DIS3L2: variants seen among roughly 807,000 people sequenced by gnomAD.
DIS3L2 encodes DIS3 like 3'-5' exoribonuclease 2, also known as DIS3-like exonuclease 2.
In DIS3L2, 34 loss-of-function variants were observed where a neutral mutation model predicts 97.5. The ratio of observed to expected loss-of-function variants is 0.35; its 90% CI spans 0.27 to 0.46. The LOEUF (loss-of-function observed/expected upper bound fraction) is 0.46. Among genes scored for constraint, DIS3L2 ranks in the 20% least tolerant of loss-of-function variants. The pLI is 1.00. For missense variants in DIS3L2, 1,038 were observed against 1,146.0 expected, an observed-to-expected ratio of 0.91 and a Z score of 1.36; for synonymous variants, 435 against 445.2, an observed-to-expected ratio of 0.98 and a Z score of 0.29.
intron 10 of DIS3L2, among the ~76,000 whole-genome samples, chr2:232,232,962 C>T (rs1255312731): frequency 1.3e-5 from 2 of 151,986 alleles, no homozygotes; most frequent in Non-Finnish European, 2.9e-5. Flanking sequence ...GCTTAGACAC[C>T]CAGAGTGGGG....
At chr2:232,260,167 A>G (rs1402128602) in intron 12 of DIS3L2, 1 of 152,302 alleles carries the variant, frequency 6.6e-6, no homozygotes, top group African/African-American at 2.4e-5. Context: ...TTCCCTGAGC[A>G]TGCTGAAGGC....
At chr2:232,103,271 G>GA (rs1449819072) in intron 6 of DIS3L2, among the ~76,000 whole-genome samples, 2 of 151,952 alleles carry the variant, frequency 1.3e-5, no homozygotes, top group African/African-American at 4.8e-5. Context: ...ATTACTTTAA[G>GA]AACTGTGTTG....
chr2:232,051,736 C>T (rs62197660), intron 5 of DIS3L2, among the ~76,000 whole-genome samples: 19,868 of 142,614 alleles, frequency 0.14, 1,743 homozygotes, highest in South Asian at 0.34. Context: ...GGCGTGAACC[C>T]GGGAGGCGGA....
At chr2:232,192,773 C>T (rs998849219) in intron 9 of DIS3L2, among the ~76,000 whole-genome samples, 2 of 152,172 alleles carry the variant, frequency 1.3e-5, no homozygotes, top group African/African-American at 4.8e-5. Context: ...ACAGCTGTTG[C>T]ATTAATTAAG....
At chr2:232,016,817 T>TG (rs1451490225) in intron 3 of DIS3L2, among the ~76,000 whole-genome samples, 1 of 152,180 alleles carries the variant, frequency 6.6e-6, no homozygotes, top group African/African-American at 2.4e-5. Context: ...TCTCTTATTC[T>TG]GAGAGCCCAG....
At chr2:232,212,402 A>G (rs767283757) in intron 10 of DIS3L2, among the ~76,000 whole-genome samples, 7 of 152,186 alleles carry the variant, frequency 4.6e-5, no homozygotes. Context: ...GGATACATCT[A>G]CTACCTGTTC....
At chr2:232,106,754 G>C (rs1697367638) in intron 6 of DIS3L2, among the ~76,000 whole-genome samples, 1 of 152,148 alleles carries the variant, frequency 6.6e-6, no homozygotes, top group African/African-American at 2.4e-5. Flanking sequence ...AAGTGGACCT[G>C]ATAGATAGAT....
At chr2:232,224,541 A>G (rs1574956461) in intron 10 of DIS3L2, among the ~76,000 whole-genome samples, 1 of 152,322 alleles carries the variant, frequency 6.6e-6, no homozygotes, top group Non-Finnish European at 1.5e-5. Flanking sequence ...ATCAAAAGAC[A>G]TCATTAAGAT....
intron 6 of DIS3L2, among the ~76,000 whole-genome samples, chr2:232,128,146 G>A (rs921619336): frequency 1.3e-5 from 2 of 151,972 alleles, no homozygotes; most frequent in African/African-American, 4.8e-5. Flanking sequence ...TGTAGAGACA[G>A]GGTTTTGCCA....
At chr2:232,338,455 T>C (rs1696033958), downstream of DIS3L2, among the ~76,000 whole-genome samples, 2 of 152,144 alleles carry the variant, frequency 1.3e-5, no homozygotes, top group Non-Finnish European at 2.9e-5. Flanking sequence ...CCTTCCGTGC[T>C]GGCCCCAGAG....
At chr2:232,255,280 T>G (rs1001489222) in intron 12 of DIS3L2, among the ~76,000 whole-genome samples, 5 of 152,192 alleles carry the variant, frequency 3.3e-5, no homozygotes, top group Admixed American at 6.5e-5. Context: ...CAGTGGTGAC[T>G]TCTCTTGGCG....
chr2:232,309,952 C>T (rs1329312163), intron 14 of DIS3L2, among the ~76,000 whole-genome samples: 1 of 152,218 alleles, frequency 6.6e-6, no homozygotes, highest in East Asian at 1.9e-4. Context: ...CTGCTTGGTT[C>T]TTTGCCTTTG....
At chr2:232,102,266 G>A (rs1697225887) in intron 6 of DIS3L2, among the ~76,000 whole-genome samples, 1 of 152,214 alleles carries the variant, frequency 6.6e-6, no homozygotes, top group Non-Finnish European at 1.5e-5. Flanking sequence ...TGAAAAGCAA[G>A]GGGAGTTGTT....
chr2:232,171,382 A>G (rs897394089), intron 9 of DIS3L2, among the ~76,000 whole-genome samples: 1 of 152,184 alleles, frequency 6.6e-6, no homozygotes, highest in Non-Finnish European at 1.5e-5. Flanking sequence ...CTCTAGCTCT[A>G]ACAGAGCATG....
intron 9 of DIS3L2, among the ~76,000 whole-genome samples, chr2:232,191,671 T>C (rs1478513952): frequency 3.3e-5 from 5 of 152,202 alleles, no homozygotes; most frequent in Non-Finnish European, 1.5e-5. Flanking sequence ...AAAGTTGCCA[T>C]GTAGTCTTTT....
At chr2:232,185,469 G>A (rs1227810061) in intron 9 of DIS3L2, among the ~76,000 whole-genome samples, 2 of 152,150 alleles carry the variant, frequency 1.3e-5, no homozygotes, top group Non-Finnish European at 2.9e-5. Flanking sequence ...AAAATTTATA[G>A]CTCCAAGTGC....
At chr2:232,091,277 C>T (rs1696830142) in intron 6 of DIS3L2, among the ~76,000 whole-genome samples, 1 of 152,126 alleles carries the variant, frequency 6.6e-6, no homozygotes, top group Middle Eastern at 3.4e-3. Flanking sequence ...CTTTTTTTAC[C>T]CATTAACCAT....
intron 1 of DIS3L2, among the ~76,000 whole-genome samples, chr2:232,004,379 A>G: frequency 6.6e-6 from 1 of 151,942 alleles, no homozygotes; most frequent in South Asian, 2.1e-4. Context: ...AATTACCTTT[A>G]TGTTTGACCT....
In DIS3L2 at chr2:232,130,618, G is replaced by A; in HGVS notation, c.602-1G>A. ...CTTCTCTCTTTATCTTTTTAATGTAGGAAGAGAGGATGGTGATGCACCGGT... is the reference window on the plus strand; with the variant it reads ...CTTCTCTCTTTATCTTTTTAATGTAAGAAGAGAGGATGGTGATGCACCGGT... On this transcript the variant is annotated splice_acceptor_variant, in intron 6 of 20. Coordinates refer to ENST00000325385, the MANE Select transcript of DIS3L2 (RefSeq NM_152383.5). LOFTEE classifies it high-confidence loss of function. The A allele has an allele frequency of 6.2e-7, 1 of 1,607,572 alleles. No homozygotes were observed. Among genetic ancestry groups the A allele is most frequent in the Non-Finnish European group, 8.5e-7 (1 of 1,177,240 alleles).
Sources: allele counts gnomAD v4.1 joint callset (sites outside exome capture counted in the v4.1 genomes callset), GRCh38; gene constraint gnomAD v4.1.1; transcripts MANE v1.5; gene names NCBI Gene and HGNC (gene_info 2026-07-23, HGNC 2026-07-21).